LRP1B: variants seen among roughly 807,000 people sequenced by gnomAD.
LRP1B encodes the protein LDL receptor related protein 1B.
Under a neutral mutation model 556.6 loss-of-function variants are expected in LRP1B, and 217 were observed. That is an observed-to-expected ratio of 0.39 (90% CI 0.35 to 0.44). LRP1B has a LOEUF of 0.44. Ranked by LOEUF, LRP1B falls within the 20% of genes least tolerant of loss-of-function variation. LRP1B has a pLI of 1.00. For missense variants in LRP1B, 5,053 were observed against 5,620.8 expected, an observed-to-expected ratio of 0.90 and a Z score of 3.23; for synonymous variants, 2,047 against 1,865.8, an observed-to-expected ratio of 1.10 and a Z score of -2.50.
intron 3 of LRP1B, among the ~76,000 whole-genome samples, chr2:141,276,522 C>T (rs1356962260): frequency 6.6e-6 from 1 of 152,022 alleles, no homozygotes; most frequent in African/African-American, 2.4e-5. Context: ...TGTTTAACTC[C>T]CATTTACTAG....
intron 35 of LRP1B, among the ~76,000 whole-genome samples, chr2:140,764,808 G>A (rs553131714): frequency 3.3e-5 from 5 of 152,136 alleles, no homozygotes; most frequent in South Asian, 2.1e-4. Flanking sequence ...AGCATCTATC[G>A]TTAACATTAG....
chr2:140,564,140 T>C (rs141055027), intron 43 of LRP1B, among the ~76,000 whole-genome samples: 1 of 152,188 alleles, frequency 6.6e-6, no homozygotes, highest in African/African-American at 2.4e-5. Context: ...AATTGGGTAA[T>C]GGAAGATTTA....
chr2:140,447,498 A>G (rs1394626344), intron 63 of LRP1B, among the ~76,000 whole-genome samples: 1 of 152,102 alleles, frequency 6.6e-6, no homozygotes, highest in Non-Finnish European at 1.5e-5. Context: ...TACAAAATTA[A>G]ATAAGAGTTA....
intron 2 of LRP1B, among the ~76,000 whole-genome samples, chr2:141,646,566 T>C: frequency 6.6e-6 from 1 of 152,146 alleles, no homozygotes; most frequent in East Asian, 1.9e-4. Flanking sequence ...TTGCTGCTCA[T>C]TGGGTGTATA....
At position 141,484,018 on chromosome 2, in the gene LRP1B, G is replaced by T. The variant is rs189217505; in HGVS notation, c.206-3485C>A. Among the ~76,000 whole-genome samples, 521 of 152,156 alleles carry T rather than the reference G, an allele frequency of 3.4e-3. 4 individuals are homozygous for T. Among genetic ancestry groups the T allele is most frequent in the African/African-American group, 0.012 (494 of 41,516 alleles). Reference sequence around the variant, plus strand: ...TTTTGTTGCCATTGCTTTTGGTGTTGTAGACATGAAGTCCTTGCCCATGTC... The same window carrying T: ...TTTTGTTGCCATTGCTTTTGGTGTTTTAGACATGAAGTCCTTGCCCATGTC... On this transcript the variant is annotated intron_variant, in intron 2 of 90. Transcript: ENST00000389484.
At chr2:141,061,967 A>T (rs1699348475) in intron 8 of LRP1B, 84 bp downstream of exon 8, 28 of 1,071,506 alleles carry the variant, frequency 2.6e-5, no homozygotes, top group Non-Finnish European at 3.9e-5. Context: ...TCGACTTTAC[A>T]AGAAATTTTC....
At chr2:141,516,228 A>T (rs1006927465) in intron 2 of LRP1B, among the ~76,000 whole-genome samples, 5 of 152,140 alleles carry the variant, frequency 3.3e-5, no homozygotes, top group Non-Finnish European at 7.3e-5. Flanking sequence ...TGCTTTGTAC[A>T]TTTCTCTTTC....
At chr2:140,653,645 T>C (rs1467352445) in intron 41 of LRP1B, among the ~76,000 whole-genome samples, 1 of 152,106 alleles carries the variant, frequency 6.6e-6, no homozygotes, top group East Asian at 1.9e-4. Context: ...TATGTGACCA[T>C]ATTATAAAGA....
intron 2 of LRP1B, among the ~76,000 whole-genome samples, chr2:141,516,142 G>A (rs546282547): frequency 2.0e-5 from 3 of 152,184 alleles, no homozygotes; most frequent in East Asian, 3.9e-4. Flanking sequence ...CATTTCTCAG[G>A]AAACTGTTTC....
At chr2:140,268,923 T>C (rs1158622336) in intron 86 of LRP1B, among the ~76,000 whole-genome samples, 1 of 151,958 alleles carries the variant, frequency 6.6e-6, no homozygotes, top group Non-Finnish European at 1.5e-5. Flanking sequence ...CAAAAGTCAG[T>C]TACTAAATAA....
At chr2:141,430,568 C>T (rs913123148) in intron 3 of LRP1B, among the ~76,000 whole-genome samples, 1 of 151,442 alleles carries the variant, frequency 6.6e-6, no homozygotes, top group African/African-American at 2.4e-5. Context: ...GAAATATGTA[C>T]AAATTTCAGT....
At chr2:141,915,002 T>A (rs1454494471) in intron 1 of LRP1B, among the ~76,000 whole-genome samples, 1 of 152,144 alleles carries the variant, frequency 6.6e-6, no homozygotes, top group Non-Finnish European at 1.5e-5. Context: ...TAAACTAATC[T>A]AAAATTCATA....
intron 59 of LRP1B, among the ~76,000 whole-genome samples, chr2:140,481,203 A>G (rs1157581289): frequency 6.6e-6 from 1 of 152,174 alleles, no homozygotes; most frequent in East Asian, 1.9e-4. Context: ...AAAAAGGATA[A>G]TTGTCAACAT....
chr2:141,145,292 T>G (rs1320022058), intron 7 of LRP1B, among the ~76,000 whole-genome samples: 1 of 152,146 alleles, frequency 6.6e-6, no homozygotes, highest in Non-Finnish European at 1.5e-5. Context: ...TAGTTCTACG[T>G]GTGCTAATTA....
chr2:142,013,634 T>A (rs1166384418), intron 1 of LRP1B, among the ~76,000 whole-genome samples: 1 of 152,136 alleles, frequency 6.6e-6, no homozygotes, highest in Non-Finnish European at 1.5e-5. Flanking sequence ...TAAAGAGTTA[T>A]GAGAAGTTTT....
chr2:141,208,729 C>T (rs189369816), intron 6 of LRP1B, among the ~76,000 whole-genome samples: 4 of 151,316 alleles, frequency 2.6e-5, no homozygotes, highest in Non-Finnish European at 4.4e-5. Context: ...ATTAGCTGGG[C>T]GTAGTGGCAG....
chr2:141,502,645 G>T (rs1392846947), intron 2 of LRP1B, among the ~76,000 whole-genome samples: 3 of 151,942 alleles, frequency 2.0e-5, no homozygotes, highest in Non-Finnish European at 4.4e-5. Context: ...CGGATCACGA[G>T]GTGAAGAGAT....
chr2:142,103,902 G>C (rs1011861), intron 1 of LRP1B, among the ~76,000 whole-genome samples: 33,402 of 151,902 alleles, frequency 0.22, 4,617 homozygotes, highest in African/African-American at 0.39. Context: ...TTAGCAGAAC[G>C]TGTCAGCTGT....
chr2:140,612,418 G>A (rs569980592), intron 41 of LRP1B, among the ~76,000 whole-genome samples: 7 of 151,974 alleles, frequency 4.6e-5, no homozygotes, highest in Non-Finnish European at 7.4e-5. Flanking sequence ...TAAAATCTCC[G>A]TTTCCTTCCT....
Sources: allele counts gnomAD v4.1 joint callset (sites outside exome capture counted in the v4.1 genomes callset), GRCh38; gene constraint gnomAD v4.1.1; transcripts MANE v1.5; gene names NCBI Gene and HGNC (gene_info 2026-07-23, HGNC 2026-07-21).